Variants in ZNF98 observed in about 807,000 individuals in gnomAD.
The protein encoded by ZNF98 is zinc finger protein 739.
ZNF98 carries 8 observed loss-of-function variants against 12.8 expected under a neutral mutation model. The ratio of observed to expected loss-of-function variants is 0.63; its 90% CI spans 0.37 to 1.13. The LOEUF is 1.13. Among genes scored for constraint, ZNF98 ranks in the 50% most tolerant of loss-of-function variants. The pLI is 0.01. For synonymous variants in ZNF98, 112 were observed against 223.5 expected (o/e 0.50, Z 4.45); for missense variants, 379 against 666.1 (o/e 0.57, Z 4.74).
chr19:22,421,781 T>C (rs1969706987), intron 1 of ZNF98, among the ~76,000 whole-genome samples: 1 of 152,164 alleles, frequency 6.6e-6, no homozygotes, highest in African/African-American at 2.4e-5. Flanking sequence ...ATAATTCCCA[T>C]ACATTTTTAA....
chr19:22,415,887 G>A (rs1200698948), intron 1 of ZNF98, among the ~76,000 whole-genome samples: 1 of 147,372 alleles, frequency 6.8e-6, no homozygotes, highest in African/African-American at 2.5e-5. Flanking sequence ...AAGGTCAGGA[G>A]TTCGAGACCA....
At chr19:22,420,746 A>G (rs1969694944) in intron 1 of ZNF98, among the ~76,000 whole-genome samples, 1 of 152,192 alleles carries the variant, frequency 6.6e-6, no homozygotes, top group South Asian at 2.1e-4. Context: ...CAGGAACAAG[A>G]AAAAACGACA....
At chr19:22,405,263 C>T (rs938593649) in intron 1 of ZNF98, among the ~76,000 whole-genome samples, 1 of 105,500 alleles carries the variant, frequency 9.5e-6, no homozygotes, top group Non-Finnish European at 1.9e-5. Flanking sequence ...CTGAGACATG[C>T]TTAGCTAAAA....
intron 3 of ZNF98, among the ~76,000 whole-genome samples, chr19:22,396,947 C>CCT (rs1323671494): frequency 6.6e-6 from 1 of 151,776 alleles, no homozygotes; most frequent in East Asian, 1.9e-4. Context: ...ATGGTGAAAC[C>CCT]GACTCTACTA....
chr19:22,404,934 C>T (rs934395956), intron 1 of ZNF98, among the ~76,000 whole-genome samples: 6 of 152,102 alleles, frequency 3.9e-5, no homozygotes, highest in South Asian at 2.1e-4. Context: ...ATCTTTACTA[C>T]GGACTCCAGC....
chr19:22,410,872 G>A (rs1969573307), intron 1 of ZNF98, among the ~76,000 whole-genome samples: 1 of 152,078 alleles, frequency 6.6e-6, no homozygotes, highest in Non-Finnish European at 1.5e-5. Flanking sequence ...TTAGAGAGCA[G>A]GCACAGCACA....
chr19:22,406,401 G>GA (rs1050954099), intron 1 of ZNF98, among the ~76,000 whole-genome samples: 23 of 151,124 alleles, frequency 1.5e-4, no homozygotes, highest in Non-Finnish European at 2.9e-4. Flanking sequence ...CCTGACCACT[G>GA]AAAAAAAACA....
chr19:22,394,500 G>A (rs1259207063), intron 3 of ZNF98, among the ~76,000 whole-genome samples: 1 of 152,128 alleles, frequency 6.6e-6, no homozygotes, highest in Non-Finnish European at 1.5e-5. Context: ...AGAATACTAT[G>A]TATTCATGAA....
chr19:22,391,667 C>T lies in ZNF98; in HGVS notation c.1568G>A (p.Cys523Tyr). 1 of 1,613,988 alleles carries T rather than the reference C, an allele frequency of 6.2e-7. No individual in the cohort carries two copies. The highest frequency in any genetic ancestry group is 8.5e-7 in the Non-Finnish European group (1 of 1,179,908). Reference protein sequence around the residue: ...TGEKPYKCEECGKAFNNSSIL... With the variant: ...TGEKPYKCEEYGKAFNNSSIL... ...AGAGGAGTTGTTAAAGGCTTTGCCG[C>T]ATTCTTCACACTTGTAGGGTTTCTC... is the stretch of plus-strand genomic sequence containing the variant. The change falls in exon 4 of 4, where the codon TGC (cysteine) becomes TAC (tyrosine). Residue 523 changes from cysteine (C) to tyrosine (Y), a missense_variant. Physicochemically the swap from Cys to Tyr is radical, Grantham distance 194 (BLOSUM62 -2). This residue lies in a region of ZNF98 where 59 missense variants were observed against 50.3 expected (regional missense o/e 1.17). Coordinates refer to ENST00000357774, the MANE Select transcript of ZNF98 (RefSeq NM_001098626.2).
At chr19:22,398,629 A>G (rs1474981637) in intron 3 of ZNF98, among the ~76,000 whole-genome samples, 1 of 152,198 alleles carries the variant, frequency 6.6e-6, no homozygotes, top group Non-Finnish European at 1.5e-5. Context: ...TCCGGGGATT[A>G]CAGACGTGAA....
chr19:22,406,397 C>T (rs527338968), intron 1 of ZNF98, among the ~76,000 whole-genome samples: 21 of 151,696 alleles, frequency 1.4e-4, no homozygotes, highest in Admixed American at 9.9e-4. Flanking sequence ...GGGACCTGAC[C>T]ACTGAAAAAA....
chr19:22,394,219 C>T (rs1450937406), intron 3 of ZNF98, among the ~76,000 whole-genome samples: 4 of 146,158 alleles, frequency 2.7e-5, no homozygotes, highest in South Asian at 2.2e-4. Flanking sequence ...GAAATAGAAA[C>T]GCTTTTACAC....
Position 22,402,325 on chromosome 19 carries a change from C to CTA in ZNF98, c.253+462_253+463dup, listed in dbSNP as rs201405405. The CTA allele has an allele frequency of 9.5e-3, 3,092 of 324,216 alleles. 84 individuals carry two copies. The highest frequency in any genetic ancestry group is 0.061 in the African/African-American group (2,823 of 46,120). The allele number at this position is 324,216 out of a possible 1,614,324, so 20.1% of individuals were successfully genotyped here. A position where few individuals can be genotyped will look rare whatever the true frequency, so the allele number is the denominator to read the frequency against. Reference sequence around the variant, plus strand: ...TATAATTTCAAACTATACTTCAAGACTATAATAAGACAGAATGCAATGTGC... The same window carrying CTA: ...TATAATTTCAAACTATACTTCAAGACTATATAATAAGACAGAATGCAATGTGC... On this transcript the variant is annotated intron_variant, in intron 3 of 3. Coordinates refer to ENST00000357774, the MANE Select transcript of ZNF98 (RefSeq NM_001098626.2).
At chr19:22,409,902 ACTCTAT>A (rs1969562120) in intron 1 of ZNF98, among the ~76,000 whole-genome samples, 1 of 123,814 alleles carries the variant, frequency 8.1e-6, no homozygotes, top group Admixed American at 8.7e-5. Flanking sequence ...ACAGAACGAG[ACTCTAT>A]CTCACAAAAA....
chr19:22,404,176 C>T (rs1568293562), intron 1 of ZNF98, among the ~76,000 whole-genome samples: 2 of 152,170 alleles, frequency 1.3e-5, no homozygotes, highest in Non-Finnish European at 2.9e-5. Flanking sequence ...GCTGAAATCG[C>T]GCCACTACAC....
intron 1 of ZNF98, among the ~76,000 whole-genome samples, chr19:22,404,800 T>C (rs1969501526): frequency 6.6e-6 from 1 of 152,224 alleles, no homozygotes; most frequent in Non-Finnish European, 1.5e-5. Context: ...TATCTCCTAA[T>C]AATTTTTTTT....
intron 1 of ZNF98, among the ~76,000 whole-genome samples, chr19:22,406,867 G>A (rs1452261974): frequency 1.3e-5 from 2 of 151,736 alleles, no homozygotes; most frequent in African/African-American, 2.4e-5. Flanking sequence ...AGGCAAGAGT[G>A]CCTCTTCTCC....
intron 1 of ZNF98, among the ~76,000 whole-genome samples, chr19:22,409,533 TCTACC>T (rs1197261007): frequency 6.6e-6 from 1 of 152,104 alleles, no homozygotes; most frequent in African/African-American, 2.4e-5. Context: ...ATTTTTGCAA[TCTACC>T]CATCTCACAA....
intron 2 of ZNF98, among the ~76,000 whole-genome samples, 178 bp from the exon 3 acceptor site, chr19:22,403,062 C>T (rs1178320786): frequency 6.6e-6 from 1 of 151,662 alleles, no homozygotes; most frequent in Non-Finnish European, 1.5e-5. Context: ...CTTAATTTCA[C>T]TACCTGATAC....
Sources: allele counts gnomAD v4.1 joint callset (sites outside exome capture counted in the v4.1 genomes callset), GRCh38; gene constraint gnomAD v4.1.1; regional missense constraint gnomAD v4.1.1; transcripts MANE v1.5; gene names NCBI Gene and HGNC (gene_info 2026-07-23, HGNC 2026-07-21).